THRB: variants seen among roughly 807,000 people sequenced by gnomAD.
THRB encodes the protein nuclear receptor subfamily 1 group A member 2.
Under a neutral mutation model 47.8 loss-of-function variants are expected in THRB, and 12 were observed. That is an observed-to-expected ratio of 0.25 (90% CI 0.16 to 0.41). THRB has a LOEUF of 0.41. THRB is among the 10% of genes least tolerant of loss of function. The pLI, the probability that THRB is intolerant of heterozygous loss-of-function variation, is 1.00. For synonymous variants in THRB, 218 were observed against 212.2 expected (o/e 1.03, Z -0.24); for missense variants, 348 against 589.2 (o/e 0.59, Z 4.24).
intron 3 of THRB, among the ~76,000 whole-genome samples, chr3:24,293,281 T>C (rs1385929513): frequency 6.6e-6 from 1 of 152,188 alleles, no homozygotes; most frequent in Non-Finnish European, 1.5e-5. Context: ...CATCCCAGTA[T>C]CATTCAATCA....
intron 4 of THRB, among the ~76,000 whole-genome samples, chr3:24,210,561 A>C (rs1010959): frequency 0.15 from 23,372 of 152,072 alleles, 2,028 homozygotes; most frequent in Non-Finnish European, 0.19. Flanking sequence ...CAGCCCCCAC[A>C]ACAAAGAATT....
In THRB at chr3:24,143,110, GGGATTGAGT is replaced by G. The variant is rs552806825; in HGVS notation, c.738+382_738+390del. On this transcript the variant is annotated intron_variant, in intron 8 of 10. Coordinates refer to ENST00000646209, the MANE Select transcript of THRB (RefSeq NM_001354712.2). ...AGAGGCTATTATAAAGGGAATATTT[GGGATTGAGT>G]TCAGGGACTAAATATGTATATACTG... Among the ~76,000 whole-genome samples, 10 of 152,238 alleles carry G rather than the reference GGGATTGAGT, an allele frequency of 6.6e-5. No individual in the cohort carries two copies. In the South Asian group the frequency reaches 1.5e-3, roughly 22 times the overall value.
At chr3:24,464,749 T>A (rs893367945) in intron 1 of THRB, among the ~76,000 whole-genome samples, 2 of 152,332 alleles carry the variant, frequency 1.3e-5, no homozygotes, top group Admixed American at 6.5e-5. Flanking sequence ...TATTCTCCTC[T>A]ACAGGTTTGG....
chr3:24,429,369 T>A (rs2070126838), intron 1 of THRB, among the ~76,000 whole-genome samples: 1 of 151,750 alleles, frequency 6.6e-6, no homozygotes, highest in South Asian at 2.1e-4. Flanking sequence ...TTGCATCATA[T>A]CCCTATTTCA....
chr3:24,183,762 C>G (rs2042227038), intron 5 of THRB, among the ~76,000 whole-genome samples: 1 of 149,772 alleles, frequency 6.7e-6, no homozygotes, highest in Non-Finnish European at 1.5e-5. Flanking sequence ...GATATTATTC[C>G]TCTGTTTAAA....
At chr3:24,247,678 G>A (rs377106112) in intron 3 of THRB, among the ~76,000 whole-genome samples, 2 of 152,102 alleles carry the variant, frequency 1.3e-5, no homozygotes, top group East Asian at 1.9e-4. Context: ...AGGAAGCTGA[G>A]GCTCAGATGT....
intron 3 of THRB, among the ~76,000 whole-genome samples, chr3:24,288,667 C>G (rs1394970647): frequency 6.6e-6 from 1 of 152,190 alleles, no homozygotes; most frequent in Non-Finnish European, 1.5e-5. Flanking sequence ...ACTGCCAAGA[C>G]TTAAAATTCC....
intron 1 of THRB, among the ~76,000 whole-genome samples, chr3:24,376,236 T>C (rs961360063): frequency 2.6e-5 from 4 of 152,162 alleles, no homozygotes; most frequent in Admixed American, 2.6e-4. Context: ...TAGACAACAG[T>C]CCACGGCTGT....
intron 1 of THRB, among the ~76,000 whole-genome samples, chr3:24,415,402 A>G (rs1468891573): frequency 6.6e-6 from 1 of 151,914 alleles, no homozygotes; most frequent in African/African-American, 2.4e-5. Flanking sequence ...TAAAAATCTT[A>G]TCAGGCAAGA....
chr3:24,162,258 A>G (rs976479508), intron 5 of THRB, among the ~76,000 whole-genome samples: 4 of 152,146 alleles, frequency 2.6e-5, no homozygotes, highest in African/African-American at 9.7e-5. Flanking sequence ...AGAAAGCACA[A>G]CAAATAACCT....
chr3:24,225,415 T>C (rs2047557100), intron 4 of THRB, among the ~76,000 whole-genome samples: 1 of 152,232 alleles, frequency 6.6e-6, no homozygotes, highest in Non-Finnish European at 1.5e-5. Flanking sequence ...AATAACTGAA[T>C]GGGGAATACA....
intron 5 of THRB, among the ~76,000 whole-genome samples, chr3:24,180,539 A>AG (rs1284334743): frequency 1.3e-5 from 2 of 152,232 alleles, no homozygotes; most frequent in African/African-American, 4.8e-5. Flanking sequence ...ATCCTATGTC[A>AG]GGTCAGTGCC....
chr3:24,397,098 A>C (rs1437052963), intron 1 of THRB, among the ~76,000 whole-genome samples: 1 of 152,178 alleles, frequency 6.6e-6, no homozygotes, highest in East Asian at 1.9e-4. Context: ...ATTATCATTT[A>C]AATTCAGTTT....
At chr3:24,127,981 T>C (rs1012385653) in intron 9 of THRB, among the ~76,000 whole-genome samples, 4 of 152,226 alleles carry the variant, frequency 2.6e-5, no homozygotes, top group Non-Finnish European at 4.4e-5. Context: ...CCTCAGGAGT[T>C]TGCATTGCTT....
intron 5 of THRB, among the ~76,000 whole-genome samples, chr3:24,162,822 T>A (rs903331131): frequency 3.3e-5 from 5 of 152,110 alleles, no homozygotes; most frequent in African/African-American, 1.2e-4. Flanking sequence ...GTACCTATAA[T>A]TTTTTTATAA....
At chr3:24,382,954 G>T (rs900655907) in intron 1 of THRB, among the ~76,000 whole-genome samples, 2 of 152,050 alleles carry the variant, frequency 1.3e-5, no homozygotes, top group Non-Finnish European at 2.9e-5. Context: ...CTGGCACAGG[G>T]TCTTCTGCAT....
intron 3 of THRB, among the ~76,000 whole-genome samples, chr3:24,266,886 G>C (rs1036380429): frequency 6.6e-6 from 1 of 151,818 alleles, no homozygotes; most frequent in African/African-American, 2.4e-5. Context: ...AAGAGAGGAA[G>C]ACAGAAAAGG....
chr3:24,325,288 G>C (rs1325200412), intron 2 of THRB, among the ~76,000 whole-genome samples: 1 of 152,158 alleles, frequency 6.6e-6, no homozygotes, highest in Non-Finnish European at 1.5e-5. Context: ...ATAACTAATG[G>C]CTGGCATGAT....
intron 3 of THRB, among the ~76,000 whole-genome samples, chr3:24,248,508 C>A (rs931813): frequency 2.0e-5 from 3 of 151,908 alleles, no homozygotes; most frequent in Non-Finnish European, 4.4e-5. Flanking sequence ...CCTGTTGCCC[C>A]TCAGCTCCAG....
Sources: allele counts gnomAD v4.1 joint callset (sites outside exome capture counted in the v4.1 genomes callset), GRCh38; gene constraint gnomAD v4.1.1; transcripts MANE v1.5; gene names NCBI Gene and HGNC (gene_info 2026-07-23, HGNC 2026-07-21).